Variants in CLRN1 observed in about 807,000 individuals in gnomAD.
CLRN1 encodes clarin-1.
A neutral mutation model predicts 18.7 loss-of-function variants in CLRN1; 15 were observed. The observed-to-expected ratio is 0.80, with a 90% confidence interval of 0.54 to 1.23. CLRN1 has a LOEUF of 1.23. Among genes scored for constraint, CLRN1 ranks in the 50% most tolerant of loss-of-function variants. CLRN1 has a pLI of 0.00. For synonymous variants in CLRN1, 104 were observed against 102.9 expected (o/e 1.01, Z -0.07); for missense variants, 311 against 277.5 (o/e 1.12, Z -0.86).
intron 1 of CLRN1, chr3:150,945,691 C>A: frequency 8.1e-7 from 1 of 1,238,364 alleles, no homozygotes; most frequent in Non-Finnish European, 1.0e-6. Context: ...TTCTCACAAT[C>A]AGAAAAATGC....
At chr3:150,928,300 T>A in intron 2 of CLRN1, 99 bp from the exon 3 acceptor site, 1 of 1,421,278 alleles carries the variant, frequency 7.0e-7, no homozygotes, top group Non-Finnish European at 9.7e-7. Flanking sequence ...CTTACCATCA[T>A]CCCCATTGAC....
chr3:150,966,994 C>A (rs561144395), intron 1 of CLRN1, among the ~76,000 whole-genome samples: 1 of 152,286 alleles, frequency 6.6e-6, no homozygotes, highest in South Asian at 2.1e-4. Flanking sequence ...TATACAGATG[C>A]AAGAACTGAA....
chr3:150,941,605 A>G lies in CLRN1; in HGVS notation c.410T>C (p.Leu137Pro). Residue 137 changes from leucine (L) to proline (P), a missense_variant, in exon 2 of 3, where the codon CTG becomes CCG. Coordinates refer to ENST00000327047, the MANE Select transcript of CLRN1 (RefSeq NM_174878.3). Reference protein sequence around the residue: ...PFETLHGPLGLYLLSFISGSC... With the variant: ...PFETLHGPLGPYLLSFISGSC... ...ACCTGAAATGAAGCTCAAAAGGTAC[A>G]GCCCTAGGGGACCATGCAGAGTTTC... 3 of 1,614,088 alleles carry G rather than the reference A, an allele frequency of 1.9e-6. No individual in the cohort carries two copies. The highest frequency in any genetic ancestry group is 2.5e-6 in the Non-Finnish European group (3 of 1,179,948).
chr3:150,935,301 C>CCG (rs1576627811), intron 2 of CLRN1, among the ~76,000 whole-genome samples: 2 of 123,944 alleles, frequency 1.6e-5, no homozygotes, highest in African/African-American at 2.8e-5. Flanking sequence ...CCCCTCTTCC[C>CCG]ACCCCACAAC....
intron 1 of CLRN1, among the ~76,000 whole-genome samples, chr3:150,952,087 G>C (rs981622684): frequency 7.9e-5 from 12 of 152,302 alleles, no homozygotes; most frequent in African/African-American, 2.9e-4. Flanking sequence ...AGGACTTGCA[G>C]TTGTCCACTA....
intron 2 of CLRN1, among the ~76,000 whole-genome samples, chr3:150,936,358 A>C (rs1424201127): frequency 1.3e-5 from 2 of 152,050 alleles, no homozygotes; most frequent in African/African-American, 4.8e-5. Flanking sequence ...GTAACTGACT[A>C]TTTACTTGGC....
intron 2 of CLRN1, among the ~76,000 whole-genome samples, chr3:150,940,865 C>T (rs2107948855): frequency 6.6e-6 from 1 of 152,258 alleles, no homozygotes; most frequent in Admixed American, 6.5e-5. Flanking sequence ...TAATTTCTGG[C>T]TTTAGAGTTT....
intron 1 of CLRN1, among the ~76,000 whole-genome samples, chr3:150,965,062 A>T (rs1715203620): frequency 2.6e-5 from 4 of 152,206 alleles, no homozygotes; most frequent in Non-Finnish European, 4.4e-5. Flanking sequence ...AAAAAACTTT[A>T]AAAAAGATAG....
chr3:150,933,076 C>T (rs967394305), intron 2 of CLRN1, among the ~76,000 whole-genome samples: 5 of 152,092 alleles, frequency 3.3e-5, no homozygotes, highest in East Asian at 3.8e-4. Context: ...AATTTATTTT[C>T]GGAAATATGT....
At chr3:150,955,018 A>C (rs11924857) in intron 1 of CLRN1, among the ~76,000 whole-genome samples, 50 of 152,068 alleles carry the variant, frequency 3.3e-4, no homozygotes, top group African/African-American at 1.2e-3. Context: ...ACAGGTGAAC[A>C]GATAAACAAG....
At chr3:150,964,721 A>C (rs1325624350) in intron 1 of CLRN1, among the ~76,000 whole-genome samples, 1 of 152,260 alleles carries the variant, frequency 6.6e-6, no homozygotes, top group Non-Finnish European at 1.5e-5. Context: ...AATGGTATGC[A>C]GCCATAAAAT....
chr3:150,960,130 C>T (rs552546552), intron 1 of CLRN1, among the ~76,000 whole-genome samples: 1 of 152,118 alleles, frequency 6.6e-6, no homozygotes, highest in Non-Finnish European at 1.5e-5. Flanking sequence ...ATGTTGGTCT[C>T]GATATCTCAG....
intron 1 of CLRN1, among the ~76,000 whole-genome samples, chr3:150,949,046 G>T (rs532285093): frequency 6.6e-6 from 1 of 152,074 alleles, no homozygotes; most frequent in East Asian, 1.9e-4. Flanking sequence ...ATGCAAGGTT[G>T]GTCCAACATA....
chr3:150,948,354 G>A (rs1447587821), intron 1 of CLRN1, among the ~76,000 whole-genome samples: 71 of 147,216 alleles, frequency 4.8e-4, no homozygotes, highest in South Asian at 2.0e-3. Context: ...CGTGGTAGCG[G>A]GCGCCTGTAG....
Position 150,927,434 on chromosome 3 carries a change from A to C in CLRN1, c.*502T>G. 3 of 452,250 alleles carry C rather than the reference A, an allele frequency of 6.6e-6. No homozygotes were observed. Among genetic ancestry groups the C allele is most frequent in the Non-Finnish European group, 1.3e-5 (3 of 225,832 alleles). 28.0% of individuals were successfully genotyped at this position (452,250 alleles called of 1,614,324 possible). On this transcript the variant is annotated 3_prime_UTR_variant, in exon 3 of 3. Transcript: ENST00000327047. ...GTCACCACGCCTGGCCTAAGAGTAT[A>C]CTTTAAACAAATTTTTTAAAATGTG...
intron 1 of CLRN1, among the ~76,000 whole-genome samples, chr3:150,961,098 A>G (rs1195436660): frequency 6.6e-6 from 1 of 152,242 alleles, no homozygotes; most frequent in Non-Finnish European, 1.5e-5. Context: ...TGAAAATGGA[A>G]GCGAAAGATC....
intron 1 of CLRN1, among the ~76,000 whole-genome samples, chr3:150,958,363 G>A (rs1714856615): frequency 6.6e-6 from 1 of 152,122 alleles, no homozygotes; most frequent in South Asian, 2.1e-4. Flanking sequence ...GGAGCCTTAT[G>A]ACTGGTCCCC....
chr3:150,963,737 A>G (rs56340276), intron 1 of CLRN1, among the ~76,000 whole-genome samples: 18,872 of 152,172 alleles, frequency 0.12, 1,291 homozygotes, highest in East Asian at 0.24. Context: ...ATGAAACAGA[A>G]CAGAGGCCTC....
intron 2 of CLRN1, among the ~76,000 whole-genome samples, chr3:150,941,138 G>GTCTGTCTATCTATCTATCTA (rs373144676): frequency 5.2e-4 from 73 of 141,538 alleles, no homozygotes; most frequent in Middle Eastern, 3.6e-3. Context: ...CTGTCTGTCT[G>GTCTGTCTATCTATCTATCTA]TCTATCTATC....
Sources: allele counts gnomAD v4.1 joint callset (sites outside exome capture counted in the v4.1 genomes callset), GRCh38; gene constraint gnomAD v4.1.1; transcripts MANE v1.5; gene names NCBI Gene and HGNC (gene_info 2026-07-23, HGNC 2026-07-21).